Variants in ZNF662 observed in about 807,000 individuals in gnomAD.
The protein encoded by ZNF662 is zinc finger protein 662.
ZNF662 carries 14 observed loss-of-function variants against 12.4 expected under a neutral mutation model. That is an observed-to-expected ratio of 1.13 (90% CI 0.75 to 1.77). ZNF662 has a LOEUF of 1.77. Ranked by LOEUF, ZNF662 falls within the 40% of genes most tolerant of loss-of-function variation. The pLI is 0.00. For synonymous variants in ZNF662, 184 were observed against 176.4 expected (o/e 1.04, Z -0.34); for missense variants, 550 against 515.6 (o/e 1.07, Z -0.65).
chr3:42,916,767 A>G lies in ZNF662; in HGVS notation c.*1413A>G, dbSNP rs967702321. ...GAGATTTTTTTTCATAAAAATTTAT[A>G]TAGTTCCAGCCCTCTCATTGCTTCC... On this transcript the variant is annotated 3_prime_UTR_variant, in exon 5 of 5. Coordinates refer to ENST00000440367, the MANE Select transcript of ZNF662 (RefSeq NM_207404.4). 5 of 152,136 alleles carry G rather than the reference A, an allele frequency of 3.3e-5. No homozygotes were observed. Among genetic ancestry groups the G allele is most frequent in the African/African-American group, 1.2e-4 (5 of 41,406 alleles). 9.4% of individuals were successfully genotyped at this position (152,136 alleles called of 1,614,324 possible).
At position 42,914,906 on chromosome 3, in the gene ZNF662, G is replaced by C. The variant is rs988868326; in HGVS notation, c.833G>C (p.Cys278Ser). The stretch of plus-strand genomic sequence containing the variant: ...CATACTGGAGAGAAACCCTTTGAAT[G>C]TAAGGAATGTGGGAAGGGCTTTAGT... ...RIHTGEKPFE[C>S]KECGKGFSQN... is the part of the protein sequence containing the mutation. Residue 278 changes from cysteine to serine, a missense_variant, in exon 5 of 5, where the codon TGT becomes TCT. Coordinates refer to ENST00000440367, the MANE Select transcript of ZNF662 (RefSeq NM_207404.4). The C allele has an allele frequency of 1.2e-6, 2 of 1,614,236 alleles. No homozygotes were observed. The highest frequency in any genetic ancestry group is 1.7e-6 in the Non-Finnish European group (2 of 1,180,050).
At chr3:42,910,159 C>T (rs1035946605) in intron 3 of ZNF662, among the ~76,000 whole-genome samples, 8 of 152,150 alleles carry the variant, frequency 5.3e-5, no homozygotes, top group Non-Finnish European at 8.8e-5. Context: ...GAGACCAGCC[C>T]GGCCAACACG....
In ZNF662 at chr3:42,917,212, T is replaced by C. The variant is rs184001543; in HGVS notation, c.*1858T>C. On this transcript the variant is annotated 3_prime_UTR_variant, in exon 5 of 5. Transcript: ENST00000440367. ...CTTTGGGAAGCTATCCTTTCTCAGCTATGTGGTTTGGCACCACCACCATCT... is the reference window on the plus strand; with the variant it reads ...CTTTGGGAAGCTATCCTTTCTCAGCCATGTGGTTTGGCACCACCACCATCT... 2.7e-6 allele frequency: 1 copy of C among 376,366 alleles called. No homozygotes were observed. The highest frequency in any genetic ancestry group is 2.1e-5 in the African/African-American group (1 of 48,242). The allele number at this position is 376,366 out of a possible 1,614,324, so 23.3% of individuals were successfully genotyped here.
rs2088896397 is a variant in ZNF662 at position 42,916,325 on chromosome 3, A to G, written c.*971A>G. On this transcript the variant is annotated 3_prime_UTR_variant, in exon 5 of 5. Coordinates refer to ENST00000440367, the MANE Select transcript of ZNF662 (RefSeq NM_207404.4). The stretch of plus-strand genomic sequence containing the variant: ...GTTGCTTTCCTTTTGAGGCCACCAA[A>G]GTAATTTAGGGAAACAGCAGAGGGT... 1 of 151,400 alleles carries G rather than the reference A, an allele frequency of 6.6e-6. No homozygotes were observed. The highest frequency in any genetic ancestry group is 2.4e-5 in the African/African-American group (1 of 41,194). The allele number at this position is 151,400 out of a possible 1,614,324, so 9.4% of individuals were successfully genotyped here.
chr3:42,911,931 G>T (rs2088796584), intron 3 of ZNF662: 1 of 151,950 alleles, frequency 6.6e-6, no homozygotes, highest in Non-Finnish European at 1.5e-5. Flanking sequence ...GAATAGCCTG[G>T]CTAGACAGGA....
At chr3:42,910,916 G>A (rs2088778709) in intron 3 of ZNF662, among the ~76,000 whole-genome samples, 1 of 152,192 alleles carries the variant, frequency 6.6e-6, no homozygotes, top group Admixed American at 6.5e-5. Flanking sequence ...ATGTAACTGG[G>A]AAGTCTGAGG....
chr3:42,918,054 C>A lies in ZNF662; in HGVS notation c.*2700C>A, dbSNP rs562600164. Among the ~76,000 whole-genome samples, 1 of 152,242 alleles carries A rather than the reference C, an allele frequency of 6.6e-6. No individual in the cohort carries two copies. Among genetic ancestry groups the A allele is most frequent in the African/African-American group, 2.4e-5 (1 of 41,544 alleles). ...CTGGGAGGTGGAGGTTGCAGTGAGC[C>A]GAGATTGTGCCATTGCACTCCAGCC... On this transcript the variant is annotated 3_prime_UTR_variant, in exon 5 of 5. Coordinates refer to ENST00000440367, the MANE Select transcript of ZNF662 (RefSeq NM_207404.4).
At chr3:42,910,179 C>T (rs1226465664) in intron 3 of ZNF662, among the ~76,000 whole-genome samples, 4 of 152,128 alleles carry the variant, frequency 2.6e-5, no homozygotes, top group East Asian at 1.9e-4. Flanking sequence ...GGCCAAACCC[C>T]GTCTCCACCA....
Position 42,908,894 on chromosome 3 carries a change from A to G in ZNF662, c.136A>G (p.Arg46Gly), listed in dbSNP as rs1306456653. ...PRGALDGEAP[R>G]GISSGYPFLK... ...GGGAGCTCTGGATGGAGAGGCCCCA[A>G]GGGGCATCTCCTCAGGTGAGTGAGG... The change falls in exon 3 of 5, where the codon AGG (arginine) becomes GGG (glycine). Residue 46 changes from arginine to glycine, a missense_variant. Arg to Gly is a moderately radical substitution (Grantham distance 125). Transcript: ENST00000440367. 6.2e-7 allele frequency: 1 copy of G among 1,613,214 alleles called. No homozygotes were observed. The highest frequency in any genetic ancestry group is 2.2e-5 in the East Asian group (1 of 44,874).
chr3:42,915,002 G>C lies in ZNF662; in HGVS notation c.929G>C (p.Gly310Ala). 6.2e-7 allele frequency: 1 copy of C among 1,614,044 alleles called. No homozygotes were observed. The highest frequency in any genetic ancestry group is 8.5e-7 in the Non-Finnish European group (1 of 1,180,024). Residue 310 changes from glycine (G) to alanine (A), a missense_variant, in exon 5 of 5, where the codon GGG becomes GCG. Gly to Ala is a moderately conservative substitution (Grantham distance 60). Coordinates refer to ENST00000440367, the MANE Select transcript of ZNF662 (RefSeq NM_207404.4). ...AAACCATACACATGTAAGGAATGTGGGAAAAGCTTTACTCGAAACCCAGCC... is the reference window on the plus strand; with the variant it reads ...AAACCATACACATGTAAGGAATGTGCGAAAAGCTTTACTCGAAACCCAGCC... ...GEKPYTCKEC[G>A]KSFTRNPALL...
At chr3:42,907,426 AG>A (rs997718403) in intron 1 of ZNF662, among the ~76,000 whole-genome samples, 13 of 152,230 alleles carry the variant, frequency 8.5e-5, no homozygotes, top group Admixed American at 2.0e-4. Flanking sequence ...AGGACAAAGG[AG>A]GAAGAGTCCT....
rs543873861 is a variant in ZNF662 at position 42,914,714 on chromosome 3, A to G, written c.641A>G (p.His214Arg). The G allele has an allele frequency of 3.7e-6, 6 of 1,614,232 alleles. No homozygotes were observed. In the East Asian group the frequency reaches 8.9e-5, roughly 24 times the overall value. ...GACTTTGATCAACACCAGAAAACTCATAATGGAGAGAAGGTCTATGGATGT... is the reference window on the plus strand; with the variant it reads ...GACTTTGATCAACACCAGAAAACTCGTAATGGAGAGAAGGTCTATGGATGT... The part of the protein sequence containing the change: ...NEDFDQHQKT[H>R]NGEKVYGCKE... The change falls in exon 5 of 5, where the codon CAT (histidine) becomes CGT (arginine). Residue 214 changes from histidine (H) to arginine (R), a missense_variant. Transcript: ENST00000440367.
intron 1 of ZNF662, among the ~76,000 whole-genome samples, chr3:42,907,274 T>C (rs1038786036): frequency 3.3e-5 from 5 of 152,036 alleles, no homozygotes; most frequent in Admixed American, 6.6e-5. Context: ...TGAGGTGGGA[T>C]CTTTGTGAGA....
Position 42,917,913 on chromosome 3 carries a change from C to T in ZNF662, c.*2559C>T, listed in dbSNP as rs537680866. ...CCTGAGATTGGGAGTTCAAGACCAG[C>T]CTGACCAACATAGAGAGACCCCGTC... is the stretch of plus-strand genomic sequence containing the variant. On this transcript the variant is annotated 3_prime_UTR_variant, in exon 5 of 5. Coordinates refer to ENST00000440367, the MANE Select transcript of ZNF662 (RefSeq NM_207404.4). Among the ~76,000 whole-genome samples the T allele has an allele frequency of 3.4e-4, 52 of 152,310 alleles. 1 individual carries two copies. The highest frequency in any genetic ancestry group is 1.2e-3 in the African/African-American group (51 of 41,574).
At position 42,908,982 on chromosome 3, in the gene ZNF662, GT is replaced by G. The variant is rs1180564903; in HGVS notation, c.151+80del. The G allele has an allele frequency of 6.7e-6, 7 of 1,046,146 alleles. 1 individual carries two copies. Among genetic ancestry groups the G allele is most frequent in the Non-Finnish European group, 8.5e-6 (6 of 707,788 alleles). 64.8% of individuals were successfully genotyped at this position (1,046,146 alleles called of 1,614,324 possible). A position where few individuals can be genotyped will look rare whatever the true frequency, so the allele number is the denominator to read the frequency against. On this transcript the variant is annotated intron_variant, in intron 3 of 4. Transcript: ENST00000440367. ...GATCTTTAAAATGTCATAGATAGGT[GT>G]TTTTTTAATCTAGTGTTGTAGACAC...
intron 1 of ZNF662, among the ~76,000 whole-genome samples, chr3:42,907,436 C>A (rs2088698635): frequency 6.6e-6 from 1 of 152,092 alleles, no homozygotes; most frequent in Non-Finnish European, 1.5e-5. Flanking sequence ...AGGAAGAGTC[C>A]TATACAGGGG....
rs769918177 is a variant in ZNF662 at position 42,914,509 on chromosome 3, C to T, written c.436C>T (p.Arg146Cys). The T allele has an allele frequency of 1.9e-5, 30 of 1,613,568 alleles. No homozygotes were observed. Among genetic ancestry groups the T allele is most frequent in the African/African-American group, 1.1e-4 (8 of 74,734 alleles). The change falls in exon 5 of 5, where the codon CGT becomes TGT. Residue 146 changes from arginine to cysteine, a missense_variant. Coordinates refer to ENST00000440367, the MANE Select transcript of ZNF662 (RefSeq NM_207404.4). Reference protein sequence around the residue: ...GRWPGYLNGGRMESSTNDIIE... With the variant: ...GRWPGYLNGGCMESSTNDIIE... The stretch of plus-strand genomic sequence containing the variant: ...ATGGCCTGGTTACCTCAATGGGGGA[C>T]GTATGGAAAGTTCTACAAATGATAT...
chr3:42,906,453 G>T lies in ZNF662; in HGVS notation c.-94+285G>T. 7.0e-7 allele frequency: 1 copy of T among 1,431,334 alleles called. No homozygotes were observed. Among genetic ancestry groups the T allele is most frequent in the Non-Finnish European group, 9.1e-7 (1 of 1,098,470 alleles). The allele number at this position is 1,431,334 out of a possible 1,614,324, so 88.7% of individuals were successfully genotyped here. On this transcript the variant is annotated intron_variant, in intron 1 of 4. Transcript: ENST00000440367. The surrounding 1 kb of genome is among the most constrained non-coding windows in gnomAD (Gnocchi z 4.4). Reference sequence around the variant, plus strand: ...CCCGGGCGCGCCGGGTGAGTGCGGGGCCGGAGCCTGGAAGCAGTCTTGGCC... The same window carrying T: ...CCCGGGCGCGCCGGGTGAGTGCGGGTCCGGAGCCTGGAAGCAGTCTTGGCC...
intron 1 of ZNF662, among the ~76,000 whole-genome samples, chr3:42,907,371 C>T (rs150522718): frequency 1.3e-5 from 2 of 152,180 alleles, no homozygotes; most frequent in Non-Finnish European, 1.5e-5. Context: ...CCTGAATGTT[C>T]TGAGGAGCCC....
Sources: allele counts gnomAD v4.1 joint callset (sites outside exome capture counted in the v4.1 genomes callset), GRCh38; gene constraint gnomAD v4.1.1; non-coding constraint Gnocchi (gnomAD v3.1); transcripts MANE v1.5; gene names NCBI Gene and HGNC (gene_info 2026-07-23, HGNC 2026-07-21).